Variants in MYO16 observed in about 807,000 individuals in gnomAD.
MYO16 encodes unconventional myosin-XVI.
MYO16 carries 94 observed loss-of-function variants against 205.3 expected under a neutral mutation model. The observed-to-expected ratio is 0.46, with a 90% CI of 0.39 to 0.54. The LOEUF (loss-of-function observed/expected upper bound fraction) is 0.54, where lower values mean the gene tolerates loss of function less well. Ranked by LOEUF, MYO16 falls within the 20% of genes least tolerant of loss-of-function variation. The pLI is 0.00. For synonymous variants in MYO16, 988 were observed against 954.0 expected (o/e 1.04, Z -0.66); for missense variants, 2,315 against 2,387.5 (o/e 0.97, Z 0.63).
intron 1 of MYO16, among the ~76,000 whole-genome samples, chr13:108,602,728 C>T (rs186015219): frequency 4.7e-4 from 71 of 152,254 alleles, no homozygotes; most frequent in African/African-American, 1.3e-3. Flanking sequence ...AATATTTTCA[C>T]TCCAGAAAAT....
chr13:108,725,469 T>C (rs1884305963), intron 3 of MYO16, among the ~76,000 whole-genome samples: 1 of 152,144 alleles, frequency 6.6e-6, no homozygotes, highest in African/African-American at 2.4e-5. Flanking sequence ...GGGCCTGAAT[T>C]TGAAATTTTT....
At chr13:108,835,006 C>T (rs1310824402) in intron 9 of MYO16, among the ~76,000 whole-genome samples, 2 of 152,104 alleles carry the variant, frequency 1.3e-5, no homozygotes, top group African/African-American at 2.4e-5. Flanking sequence ...ATCAGCCTAG[C>T]TGTACAATTT....
chr13:108,992,234 C>T, intron 20 of MYO16, 142 bp from the exon 21 acceptor site: 1 of 520,362 alleles, frequency 1.9e-6, no homozygotes, highest in Non-Finnish European at 3.3e-6. Context: ...TAATGAGACT[C>T]TAAAATAATT....
chr13:109,126,739 G>A (rs1876269365), intron 30 of MYO16, among the ~76,000 whole-genome samples: 1 of 152,130 alleles, frequency 6.6e-6, no homozygotes, highest in Non-Finnish European at 1.5e-5. Context: ...AATAATTTCT[G>A]GTAGAATTTA....
At chr13:109,053,198 A>G (rs1887306700) in intron 25 of MYO16, among the ~76,000 whole-genome samples, 1 of 152,148 alleles carries the variant, frequency 6.6e-6, no homozygotes, top group African/African-American at 2.4e-5. Flanking sequence ...AGGACAATCA[A>G]TTTTAGAAAT....
chr13:108,874,615 T>C (rs1357538132), intron 12 of MYO16, among the ~76,000 whole-genome samples: 1 of 151,832 alleles, frequency 6.6e-6, no homozygotes, highest in Admixed American at 6.6e-5. Flanking sequence ...GTCCAGGTCA[T>C]GCAGCTCCAG....
the MYO16 span, among the ~76,000 whole-genome samples, chr13:108,549,637 G>T: frequency 6.6e-6 from 1 of 152,024 alleles, no homozygotes; most frequent in African/African-American, 2.4e-5. Flanking sequence ...ATGCATGTGT[G>T]AAAGTCAATC....
At chr13:108,706,655 A>C (rs569824839) in intron 2 of MYO16, among the ~76,000 whole-genome samples, 3 of 152,164 alleles carry the variant, frequency 2.0e-5, no homozygotes, top group Non-Finnish European at 4.4e-5. Context: ...AGTGCTAACT[A>C]TTAGTACATA....
chr13:108,706,180 A>G (rs1883501826), intron 2 of MYO16, among the ~76,000 whole-genome samples: 1 of 152,238 alleles, frequency 6.6e-6, no homozygotes, highest in South Asian at 2.1e-4. Context: ...TAAAATCTAT[A>G]TGAAAGTATC....
intron 16 of MYO16, among the ~76,000 whole-genome samples, chr13:108,939,682 G>C (rs566724659): frequency 1.6e-4 from 24 of 152,044 alleles, no homozygotes; most frequent in Non-Finnish European, 3.2e-4. Context: ...AATATTATTG[G>C]AGATAATAAT....
At chr13:108,597,809 T>C (rs889467376) in intron 1 of MYO16, among the ~76,000 whole-genome samples, 9 of 152,206 alleles carry the variant, frequency 5.9e-5, no homozygotes, top group Non-Finnish European at 1.3e-4. Flanking sequence ...TTGTGTTTCA[T>C]AACCATTGTA....
intron 11 of MYO16, among the ~76,000 whole-genome samples, chr13:108,860,372 G>GATGCACATGT (rs1218540390): frequency 6.6e-6 from 1 of 152,146 alleles, no homozygotes; most frequent in Admixed American, 6.6e-5. Context: ...AGTCCTCTAT[G>GATGCACATGT]ATGCACATGT....
At chr13:108,609,647 C>T (rs1342321513) in intron 1 of MYO16, among the ~76,000 whole-genome samples, 1 of 152,076 alleles carries the variant, frequency 6.6e-6, no homozygotes. Flanking sequence ...TTCATTTCTG[C>T]TTCTTTGTCT....
rs372432344 is a variant in MYO16, at chr13:108,752,530, T to G, written c.507+24947T>G. Among the ~76,000 whole-genome samples the G allele has an allele frequency of 1.3e-4, 20 of 152,338 alleles. No individual in the cohort carries two copies. In the South Asian group the frequency reaches 3.9e-3, roughly 30 times the overall value. On this transcript the variant is annotated intron_variant, in intron 4 of 34. Transcript: ENST00000457511. The stretch of plus-strand genomic sequence containing the variant: ...CACTGGCAGAAATCCTAAGAGACAT[T>G]TCATTAACCCACTGCTCATTGACAT...
chr13:108,578,283 A>G, the MYO16 span, among the ~76,000 whole-genome samples: 1 of 152,222 alleles, frequency 6.6e-6, no homozygotes, highest in Non-Finnish European at 1.5e-5. Flanking sequence ...TTAAAATACT[A>G]AAAATGTTAT....
chr13:109,163,480 C>G (rs1392314469), intron 32 of MYO16, among the ~76,000 whole-genome samples: 1 of 150,508 alleles, frequency 6.6e-6, no homozygotes, highest in Non-Finnish European at 1.5e-5. Flanking sequence ...TCCTTCCCTC[C>G]ATCCCTCCCC....
chr13:108,790,069 G>A (rs527967705), intron 5 of MYO16, among the ~76,000 whole-genome samples: 4 of 152,168 alleles, frequency 2.6e-5, no homozygotes, highest in Non-Finnish European at 5.9e-5. Flanking sequence ...AGTAGCATAA[G>A]CAAAGGCAAG....
At chr13:108,835,805 C>T (rs1281305788) in intron 9 of MYO16, among the ~76,000 whole-genome samples, 1 of 152,128 alleles carries the variant, frequency 6.6e-6, no homozygotes, top group Non-Finnish European at 1.5e-5. Context: ...AACTGTGAAA[C>T]TTTGAACTTG....
intron 2 of MYO16, among the ~76,000 whole-genome samples, chr13:108,688,965 C>A (rs1378013415): frequency 6.6e-6 from 1 of 152,024 alleles, no homozygotes; most frequent in Non-Finnish European, 1.5e-5. Flanking sequence ...TTGACAACAG[C>A]TAAATAATTG....
Sources: gnomAD v4.1 joint callset for allele counts (sites outside exome capture counted in the v4.1 genomes callset) on GRCh38, gnomAD v4.1.1 for gene constraint, MANE v1.5 for transcripts, NCBI Gene and HGNC (gene_info 2026-07-23, HGNC 2026-07-21) for gene names.